Variants in NSMCE2 observed in about 807,000 individuals in gnomAD.
The protein encoded by NSMCE2 is E3 SUMO-protein ligase NSE2.
In NSMCE2, 24 loss-of-function variants were observed where a neutral mutation model predicts 23.8. That is an observed-to-expected ratio of 1.01 (90% CI 0.73 to 1.42). The LOEUF (loss-of-function observed/expected upper bound fraction) is 1.42. Among genes scored for constraint, NSMCE2 ranks in the 40% most tolerant of loss-of-function variants. The probability of loss-of-function intolerance (pLI) is 0.00; values close to 1 mark genes in which losing one functional copy is unlikely to be tolerated. For synonymous variants in NSMCE2, 92 were observed against 94.1 expected (o/e 0.98, Z 0.13); for missense variants, 284 against 296.5 (o/e 0.96, Z 0.31).
chr8:125,265,738 T>A (rs1022492001), intron 5 of NSMCE2, among the ~76,000 whole-genome samples: 1 of 152,222 alleles, frequency 6.6e-6, no homozygotes, highest in Non-Finnish European at 1.5e-5. Context: ...CTCCAAATCA[T>A]ATGCTCTTCT....
chr8:125,333,114 C>A (rs1291589374), intron 5 of NSMCE2, among the ~76,000 whole-genome samples: 1 of 152,108 alleles, frequency 6.6e-6, no homozygotes, highest in African/African-American at 2.4e-5. Flanking sequence ...CACTCCAGAC[C>A]TGCCGAATCA....
At chr8:125,154,511 TAAA>T (rs56201104) in intron 4 of NSMCE2, among the ~76,000 whole-genome samples, 7 of 123,990 alleles carry the variant, frequency 5.6e-5, no homozygotes, top group Admixed American at 8.3e-5. Flanking sequence ...CTCTGAAAGT[TAAA>T]AAAAAAAAAA....
intron 5 of NSMCE2, among the ~76,000 whole-genome samples, chr8:125,225,360 G>A (rs554102831): frequency 6.6e-6 from 1 of 152,144 alleles, no homozygotes; most frequent in African/African-American, 2.4e-5. Flanking sequence ...CTGTCCTTTC[G>A]ACTCCATTCA....
At chr8:125,212,023 T>G (rs1289321441) in intron 5 of NSMCE2, among the ~76,000 whole-genome samples, 1 of 152,238 alleles carries the variant, frequency 6.6e-6, no homozygotes, top group Admixed American at 6.5e-5. Flanking sequence ...CGTTTATGGA[T>G]TGATTAGCCT....
intron 4 of NSMCE2, among the ~76,000 whole-genome samples, chr8:125,170,651 A>C (rs1014487808): frequency 2.0e-5 from 3 of 151,656 alleles, no homozygotes; most frequent in African/African-American, 7.3e-5. Flanking sequence ...CAGGTGATCC[A>C]CCCGGCTTGG....
chr8:125,199,039 T>C (rs1047790143), intron 5 of NSMCE2, among the ~76,000 whole-genome samples: 2 of 152,200 alleles, frequency 1.3e-5, no homozygotes, highest in African/African-American at 2.4e-5. Flanking sequence ...TGATATCCCC[T>C]TTATCATTTT....
intron 7 of NSMCE2, among the ~76,000 whole-genome samples, chr8:125,366,055 G>A (rs777625320): frequency 4.6e-5 from 7 of 152,136 alleles, no homozygotes; most frequent in African/African-American, 1.7e-4. Flanking sequence ...TTGTTCCCAC[G>A]CTTCATTCTG....
intron 3 of NSMCE2, among the ~76,000 whole-genome samples, chr8:125,141,146 A>G (rs76540030): frequency 0.019 from 2,919 of 152,238 alleles, 84 homozygotes; most frequent in African/African-American, 0.067. Flanking sequence ...GAATTATACC[A>G]CTATCACAGT....
chr8:125,192,269 C>T lies in NSMCE2; in HGVS notation c.418+10013C>T, dbSNP rs892236771. On this transcript the variant is annotated intron_variant, in intron 5 of 7. Transcript: ENST00000287437. ...TTAAGTGTTATATTTGTTAGATATACTGGAAGTTTCAGGCAAAGTTATTGA... is the reference window on the plus strand; with the variant it reads ...TTAAGTGTTATATTTGTTAGATATATTGGAAGTTTCAGGCAAAGTTATTGA... Among the ~76,000 whole-genome samples, 125 of 151,208 alleles carry T rather than the reference C, an allele frequency of 8.3e-4. 1 individual carries two copies. Among genetic ancestry groups the T allele is most frequent in the South Asian group, 6.3e-4 (3 of 4,788 alleles).
chr8:125,351,427 G>T (rs1254150325), intron 5 of NSMCE2: 2 of 151,944 alleles, frequency 1.3e-5, no homozygotes, highest in South Asian at 4.1e-4. Flanking sequence ...GTAAATGTTA[G>T]TTCTTGTGCA....
At chr8:125,197,735 T>C (rs1157936911) in intron 5 of NSMCE2, among the ~76,000 whole-genome samples, 1 of 152,214 alleles carries the variant, frequency 6.6e-6, no homozygotes, top group Non-Finnish European at 1.5e-5. Context: ...AAGAAAGTCA[T>C]TGGTAGCTTG....
intron 3 of NSMCE2, among the ~76,000 whole-genome samples, chr8:125,126,721 A>G (rs551180423): frequency 1.3e-5 from 2 of 152,214 alleles, no homozygotes; most frequent in Non-Finnish European, 2.9e-5. Flanking sequence ...AGCTCTGGCA[A>G]TTATTAGCAT....
At position 125,121,843 on chromosome 8, in the gene NSMCE2, A is replaced by G. The variant is rs78429696; in HGVS notation, c.157+19356A>G. ...AGTAAACTGAACCTTGAGGTTGACC[A>G]AGGACTATATACTGTATCTCTGAAG... is the stretch of plus-strand genomic sequence containing the variant. On this transcript the variant is annotated intron_variant, in intron 3 of 7. Coordinates refer to ENST00000287437, the MANE Select transcript of NSMCE2 (RefSeq NM_173685.4). Among the ~76,000 whole-genome samples, 50 of 152,314 alleles carry G rather than the reference A, an allele frequency of 3.3e-4. 1 individual carries two copies. The East Asian group carries it at 8.7e-3, about 26-fold the overall frequency.
chr8:125,111,149 T>C (rs1435093856), intron 3 of NSMCE2, among the ~76,000 whole-genome samples: 1 of 152,176 alleles, frequency 6.6e-6, no homozygotes, highest in Admixed American at 6.5e-5. Context: ...CTTACCTTAA[T>C]CCCCACGCAG....
intron 4 of NSMCE2, among the ~76,000 whole-genome samples, chr8:125,159,041 T>G (rs1821464936): frequency 6.6e-6 from 1 of 152,224 alleles, no homozygotes; most frequent in South Asian, 2.1e-4. Flanking sequence ...AAATAGCACC[T>G]CATTCTGAGT....
In NSMCE2 at chr8:125,151,250, A is replaced by G. The variant is rs759103778; in HGVS notation, c.237A>G (p.Val79=). Residue 79 remains valine (V), a synonymous_variant, in exon 4 of 8, where the codon GTA becomes GTG. Coordinates refer to ENST00000287437, the MANE Select transcript of NSMCE2 (RefSeq NM_173685.4). ...TGGATCGGCAACTAAACCATTATGT[A>G]AAGGCTGTTCAATCTACAATAAATC... ...ATLDRQLNHY[V]KAVQSTINHV... 1 of 1,598,562 alleles carries G rather than the reference A, an allele frequency of 6.3e-7. No individual in the cohort carries two copies. Among genetic ancestry groups the G allele is most frequent in the Non-Finnish European group, 8.6e-7 (1 of 1,166,554 alleles).
Position 125,325,984 on chromosome 8 carries a change from G to A in NSMCE2, c.419-31235G>A, listed in dbSNP as rs1026730038. On this transcript the variant is annotated intron_variant, in intron 5 of 7. Coordinates refer to ENST00000287437, the MANE Select transcript of NSMCE2 (RefSeq NM_173685.4). Reference sequence around the variant, plus strand: ...AATAAATAAATAAAAATACCCGGGCGCGGTGGCTCATGCCTGTAATCCCAG... The same window carrying A: ...AATAAATAAATAAAAATACCCGGGCACGGTGGCTCATGCCTGTAATCCCAG... Among the ~76,000 whole-genome samples, 6 of 151,096 alleles carry A rather than the reference G, an allele frequency of 4.0e-5. No individual in the cohort carries two copies. The East Asian group carries it at 7.9e-4, about 20-fold the overall frequency.
intron 5 of NSMCE2, among the ~76,000 whole-genome samples, chr8:125,219,756 G>A (rs1749452346): frequency 6.6e-6 from 1 of 152,094 alleles, no homozygotes; most frequent in Admixed American, 6.5e-5. Flanking sequence ...CTGAAGTTTT[G>A]TTTTAGACAC....
At chr8:125,104,854 C>T (rs1247535911) in intron 3 of NSMCE2, among the ~76,000 whole-genome samples, 1 of 152,098 alleles carries the variant, frequency 6.6e-6, no homozygotes. Flanking sequence ...CTGACGAAAC[C>T]CTGTCTCTAC....
Sources: gnomAD v4.1 joint callset for allele counts (sites outside exome capture counted in the v4.1 genomes callset) on GRCh38, gnomAD v4.1.1 for gene constraint, MANE v1.5 for transcripts, NCBI Gene and HGNC (gene_info 2026-07-23, HGNC 2026-07-21) for gene names.